NBEA: variants seen among roughly 807,000 people sequenced by gnomAD.
NBEA encodes neurobeachin.
Under a neutral mutation model 343.4 loss-of-function variants are expected in NBEA, and 44 were observed. That is an observed-to-expected ratio of 0.13 (90% CI 0.10 to 0.16). The LOEUF is 0.16. NBEA is among the 10% of genes least tolerant of loss of function. NBEA has a pLI of 1.00. For missense variants in NBEA, 2,555 were observed against 3,631.3 expected (o/e 0.70, Z 7.62); for synonymous variants, 1,175 against 1,238.7 (o/e 0.95, Z 1.08).
At chr13:35,182,250 A>T in intron 28 of NBEA, 110 bp from the exon 29 acceptor site, 2 of 629,402 alleles carry the variant, frequency 3.2e-6, no homozygotes. Flanking sequence ...CATAAAAGTT[A>T]CATATCATAT....
At chr13:35,192,227 A>G (rs554217278) in intron 30 of NBEA, among the ~76,000 whole-genome samples, 3 of 152,146 alleles carry the variant, frequency 2.0e-5, no homozygotes, top group South Asian at 4.1e-4. Context: ...CATGGATTAA[A>G]TCCTCAAAGT....
intron 38 of NBEA, among the ~76,000 whole-genome samples, chr13:35,417,712 G>C (rs1452201836): frequency 1.3e-5 from 2 of 152,176 alleles, no homozygotes; most frequent in African/African-American, 4.8e-5. Flanking sequence ...TGCATATTCT[G>C]TTGATGTGGG....
chr13:35,537,220 T>C (rs1215121990), intron 41 of NBEA, among the ~76,000 whole-genome samples: 1 of 152,110 alleles, frequency 6.6e-6, no homozygotes, highest in Non-Finnish European at 1.5e-5. Flanking sequence ...CCCTCAATCA[T>C]AGACACCCAT....
intron 43 of NBEA, 123 bp downstream of exon 43, chr13:35,551,155 T>C: frequency 3.6e-6 from 2 of 548,450 alleles, no homozygotes; most frequent in South Asian, 7.5e-5. Context: ...TTTCTTTCTC[T>C]GAAGGTTATT....
At chr13:35,170,063 G>T (rs986081982) in intron 25 of NBEA, among the ~76,000 whole-genome samples, 1 of 151,712 alleles carries the variant, frequency 6.6e-6, no homozygotes. Flanking sequence ...ATTTAAAACT[G>T]AGCTTAGTTA....
intron 10 of NBEA, among the ~76,000 whole-genome samples, chr13:35,082,164 G>T (rs1284583543): frequency 6.6e-6 from 1 of 152,090 alleles, no homozygotes; most frequent in Non-Finnish European, 1.5e-5. Flanking sequence ...AGAACATGCG[G>T]TGTTTGGTTT....
rs199727680 is a variant in NBEA at position 35,155,755 on chromosome 13, C to T, written c.2446-19C>T. On this transcript the variant is annotated intron_variant, in intron 18 of 58. Coordinates refer to ENST00000379939, the MANE Select transcript of NBEA (RefSeq NM_001385012.1). ...TTTAAATTGTTTTCTAAATGAAGTT[C>T]AAATTCTTCATTTTTCAGATCTTGA... 1.9e-6 allele frequency: 3 copies of T among 1,564,760 alleles called. No homozygotes were observed. The highest frequency in any genetic ancestry group is 8.8e-7 in the Non-Finnish European group (1 of 1,137,110).
At chr13:35,655,816 T>C in intron 55 of NBEA, 67 bp downstream of exon 55, 1 of 1,435,622 alleles carries the variant, frequency 7.0e-7, no homozygotes, top group Non-Finnish European at 9.4e-7. Flanking sequence ...GCCTTTTTGA[T>C]TTTCCTAATA....
chr13:35,182,334 TA>T (rs1175405059), intron 28 of NBEA, 25 bp from the exon 29 acceptor site: 1 of 1,584,740 alleles, frequency 6.3e-7, no homozygotes, highest in Non-Finnish European at 8.5e-7. Context: ...GTTTGAGTGT[TA>T]AAACTGTCTT....
chr13:35,435,361 G>A (rs2045366494), intron 39 of NBEA, among the ~76,000 whole-genome samples: 1 of 152,140 alleles, frequency 6.6e-6, no homozygotes, highest in Non-Finnish European at 1.5e-5. Context: ...TTTGACTGGG[G>A]TCCATGATCT....
At chr13:35,011,405 A>G (rs1262008832) in intron 1 of NBEA, among the ~76,000 whole-genome samples, 1 of 152,196 alleles carries the variant, frequency 6.6e-6, no homozygotes, top group East Asian at 1.9e-4. Context: ...TAAATGAATA[A>G]GTAATTGACT....
At chr13:35,230,486 T>A (rs1057500001) in intron 33 of NBEA, among the ~76,000 whole-genome samples, 13 of 152,240 alleles carry the variant, frequency 8.5e-5, no homozygotes, top group African/African-American at 2.4e-4. Flanking sequence ...ATAAAAATAA[T>A]CATACTTCAT....
At chr13:35,602,740 T>C (rs1379014556) in intron 47 of NBEA, among the ~76,000 whole-genome samples, 1 of 152,174 alleles carries the variant, frequency 6.6e-6, no homozygotes, top group Non-Finnish European at 1.5e-5. Flanking sequence ...AAGGGTGTCC[T>C]GAAGGCCCTG....
intron 17 of NBEA, among the ~76,000 whole-genome samples, chr13:35,125,747 G>A (rs910502389): frequency 6.6e-6 from 1 of 152,050 alleles, no homozygotes; most frequent in Non-Finnish European, 1.5e-5. Flanking sequence ...TACATGAATA[G>A]CACTTAGCAG....
chr13:35,145,390 T>G (rs750371679), intron 18 of NBEA, among the ~76,000 whole-genome samples: 1 of 152,184 alleles, frequency 6.6e-6, no homozygotes, highest in Non-Finnish European at 1.5e-5. Context: ...ACTTCCAGTT[T>G]AGAAGTCTGG....
At position 35,574,300 on chromosome 13, in the gene NBEA, A is replaced by AG. The variant is rs2080607653; in HGVS notation, c.7035+7283_7035+7284insG. ...ACATAGGTAGGATATTCTTTAAAAAAAAAAAAAAAGCTAGTGATTAATTTC... is the reference window on the plus strand; with the variant it reads ...ACATAGGTAGGATATTCTTTAAAAAAGAAAAAAAAAGCTAGTGATTAATTTC... On this transcript the variant is annotated intron_variant, in intron 45 of 58. Transcript: ENST00000379939. 4.0e-5 allele frequency among the ~76,000 whole-genome samples: 6 copies of AG among 151,524 alleles called. No homozygotes were observed. The South Asian group carries it at 1.3e-3, about 32-fold the overall frequency.
intron 40 of NBEA, among the ~76,000 whole-genome samples, chr13:35,459,568 G>T (rs2046794949): frequency 6.6e-6 from 1 of 151,998 alleles, no homozygotes; most frequent in Non-Finnish European, 1.5e-5. Context: ...GGAAGTTATG[G>T]CAGATAATGT....
intron 1 of NBEA, among the ~76,000 whole-genome samples, chr13:34,963,227 C>A (rs189724944): frequency 6.6e-6 from 1 of 151,908 alleles, no homozygotes; most frequent in Middle Eastern, 3.2e-3. Flanking sequence ...TTCTAGTGGC[C>A]GCAGGACTGG....
chr13:35,025,344 A>AT (rs1412568840), intron 1 of NBEA, among the ~76,000 whole-genome samples: 1 of 152,110 alleles, frequency 6.6e-6, no homozygotes, highest in African/African-American at 2.4e-5. Context: ...TTTTTTGTGT[A>AT]TGGTGAAAAG....
Sources: gnomAD v4.1 joint callset for allele counts (sites outside exome capture counted in the v4.1 genomes callset) on GRCh38, gnomAD v4.1.1 for gene constraint, MANE v1.5 for transcripts, NCBI Gene and HGNC (gene_info 2026-07-23, HGNC 2026-07-21) for gene names.